Variants in GLT8D2 observed in about 807,000 individuals in gnomAD.
The protein encoded by GLT8D2 is glycosyltransferase 8 domain containing 2.
GLT8D2 carries 45 observed loss-of-function variants against 44.5 expected under a neutral mutation model. That is an observed-to-expected ratio of 1.01 (90% CI 0.80 to 1.30). The LOEUF (loss-of-function observed/expected upper bound fraction) is 1.30. Ranked by LOEUF, GLT8D2 falls within the 50% of genes most tolerant of loss-of-function variation. The pLI is 0.00. For synonymous variants in GLT8D2, 156 were observed against 157.2 expected (o/e 0.99, Z 0.06); for missense variants, 400 against 430.4 (o/e 0.93, Z 0.62).
intron 1 of GLT8D2, among the ~76,000 whole-genome samples, chr12:104,028,201 G>A (rs946137595): frequency 3.3e-5 from 5 of 152,292 alleles, no homozygotes; most frequent in Admixed American, 3.3e-4. Flanking sequence ...ATTATTGTAG[G>A]AAACCTTAAG....
intron 10 of GLT8D2, among the ~76,000 whole-genome samples, 185 bp from the exon 11 acceptor site, chr12:103,989,762 G>A (rs1395641395): frequency 1.3e-5 from 2 of 152,032 alleles, no homozygotes; most frequent in Non-Finnish European, 2.9e-5. Flanking sequence ...TTCTAGTAGT[G>A]TTATAGCATT....
Position 103,996,747 on chromosome 12 carries a change from G to T in GLT8D2, c.588C>A (p.Leu196=), listed in dbSNP as rs3817602. 2 of 1,612,456 alleles carry T rather than the reference G, an allele frequency of 1.2e-6. No homozygotes were observed. Among genetic ancestry groups the T allele is most frequent in the East Asian group, 4.5e-5 (2 of 44,838 alleles). ...DLPSAQDINR[L]VGLQNTYMGY... The stretch of plus-strand genomic sequence containing the variant: ...AGCATATGCCCACCTGAAGTCCCAC[G>T]AGTCTGTTTATGTCCTGAGCAGAGG... The change falls in exon 8 of 11, where the codon CTC becomes CTA. Residue 196 remains leucine (L), a synonymous_variant. Transcript: ENST00000360814.
At chr12:104,015,206 G>C (rs955472752) in intron 3 of GLT8D2, 101 bp from the exon 4 acceptor site, 45 of 794,658 alleles carry the variant, frequency 5.7e-5, no homozygotes, top group Non-Finnish European at 4.2e-6. Context: ...CCATGACACA[G>C]AGGAGTGGTA....
At chr12:104,047,046 T>A (rs751741344) in intron 1 of GLT8D2, among the ~76,000 whole-genome samples, 14 of 152,014 alleles carry the variant, frequency 9.2e-5, no homozygotes, top group Non-Finnish European at 1.8e-4. Context: ...CTAGTCTGGT[T>A]TAGAACTCTG....
upstream of GLT8D2, among the ~76,000 whole-genome samples, chr12:104,055,005 G>A (rs1882056250): frequency 6.6e-6 from 1 of 152,178 alleles, no homozygotes; most frequent in Admixed American, 6.5e-5. Flanking sequence ...AGGGAAACAT[G>A]GTTAAGAGAT....
chr12:103,994,815 C>T (rs1446796794), intron 8 of GLT8D2, among the ~76,000 whole-genome samples: 1 of 152,160 alleles, frequency 6.6e-6, no homozygotes, highest in Non-Finnish European at 1.5e-5. Flanking sequence ...CTTCCAACTC[C>T]TGCTACATCT....
At chr12:104,019,040 G>C (rs952213728) in intron 3 of GLT8D2, among the ~76,000 whole-genome samples, 1 of 148,756 alleles carries the variant, frequency 6.7e-6, no homozygotes, top group African/African-American at 2.4e-5. Flanking sequence ...TATTTATTCC[G>C]AACGAGAAAA....
At chr12:104,038,352 AC>A (rs1389124656) in intron 1 of GLT8D2, among the ~76,000 whole-genome samples, 16 of 152,220 alleles carry the variant, frequency 1.1e-4, no homozygotes, top group Admixed American at 1.0e-3. Flanking sequence ...AGGAAGTCAA[AC>A]TGTCCCTGTT....
intron 1 of GLT8D2, among the ~76,000 whole-genome samples, chr12:104,048,336 T>C (rs930691853): frequency 3.9e-5 from 6 of 152,208 alleles, no homozygotes; most frequent in Non-Finnish European, 7.4e-5. Flanking sequence ...CTTAAGAGGA[T>C]TTCTCTACTA....
chr12:103,991,880 G>A (rs1872783303), intron 10 of GLT8D2, among the ~76,000 whole-genome samples: 1 of 149,954 alleles, frequency 6.7e-6, no homozygotes, highest in Admixed American at 6.6e-5. Flanking sequence ...GGGTTGTTGT[G>A]AGAATTAGAA....
intron 4 of GLT8D2, chr12:104,012,784 A>G (rs1876048315): frequency 1.4e-6 from 1 of 697,120 alleles, no homozygotes; most frequent in South Asian, 1.5e-5. Context: ...ATAAGTTAAA[A>G]TGAAGCCATT....
At chr12:104,013,885 C>T (rs1022226753) in intron 4 of GLT8D2, among the ~76,000 whole-genome samples, 1 of 152,118 alleles carries the variant, frequency 6.6e-6, no homozygotes, top group Non-Finnish European at 1.5e-5. Flanking sequence ...GGACTATAGG[C>T]ATGCCCCACC....
At chr12:104,045,506 T>A (rs557444903) in intron 1 of GLT8D2, among the ~76,000 whole-genome samples, 1 of 152,172 alleles carries the variant, frequency 6.6e-6, no homozygotes, top group East Asian at 1.9e-4. Flanking sequence ...AAAAGAAGGT[T>A]GAGGTTCTAG....
At chr12:104,057,669 C>T (rs1031395797) in intron 1 of GLT8D2, among the ~76,000 whole-genome samples, 7 of 152,102 alleles carry the variant, frequency 4.6e-5, no homozygotes, top group African/African-American at 1.4e-4. Flanking sequence ...AGTTTTTAAA[C>T]ATCACAAAAC....
In GLT8D2 at chr12:103,993,473, C is replaced by G. The variant is rs368532678; in HGVS notation, c.799G>C (p.Gly267Arg). 8.1e-6 allele frequency: 13 copies of G among 1,610,852 alleles called. No individual in the cohort carries two copies. Among genetic ancestry groups the G allele is most frequent in the Non-Finnish European group, 1.1e-5 (13 of 1,178,788 alleles). The change falls in exon 10 of 11, where the codon GGG becomes CGG. Residue 267 changes from glycine (G) to arginine (R), a missense_variant. By Grantham distance (125) the Gly-to-Arg change is moderately radical. Coordinates refer to ENST00000360814, the MANE Select transcript of GLT8D2 (RefSeq NM_001384711.1). ...ENLYSSSLGG[G>R]VATSPMLIVF... ...ATCAGCATTGGGGAGGTGGCCACCC[C>G]TCCTCCCAGGGAGCTGCTATAGAGG...
chr12:104,048,049 T>C lies in GLT8D2; in HGVS notation c.-164+1846A>G, dbSNP rs566816807. Among the ~76,000 whole-genome samples, 135 of 152,372 alleles carry C rather than the reference T, an allele frequency of 8.9e-4. 1 individual carries two copies. Among genetic ancestry groups the C allele is most frequent in the African/African-American group, 3.2e-3 (132 of 41,588 alleles). On this transcript the variant is annotated intron_variant, in intron 1 of 10. Coordinates refer to ENST00000360814, the MANE Select transcript of GLT8D2 (RefSeq NM_001384711.1). The stretch of plus-strand genomic sequence containing the variant: ...TTATCAGGCCCGTTGCAGAAAAAGT[T>C]TGCTGACTTCTGATCTCCAATTTAG...
chr12:103,999,437 T>C lies in GLT8D2; in HGVS notation c.362A>G (p.Lys121Arg). 1 of 1,613,354 alleles carries C rather than the reference T, an allele frequency of 6.2e-7. No homozygotes were observed. Among genetic ancestry groups the C allele is most frequent in the Admixed American group, 1.7e-5 (1 of 60,018 alleles). ...VEFNPMVLKG[K>R]IRPDSSRPEL... ...AGGCCTCGATGAGTCTGGTCTGATCTTCCCTTTGAGGACCATCGGGTTGAA... is the reference window on the plus strand; with the variant it reads ...AGGCCTCGATGAGTCTGGTCTGATCCTCCCTTTGAGGACCATCGGGTTGAA... The change falls in exon 6 of 11, where the codon AAG becomes AGG. Residue 121 changes from lysine (K) to arginine (R), a missense_variant. Physicochemically the swap from Lys to Arg is conservative, Grantham distance 26. Transcript: ENST00000360814.
At chr12:104,023,907 G>C (rs1371838964) in intron 1 of GLT8D2, among the ~76,000 whole-genome samples, 1 of 152,136 alleles carries the variant, frequency 6.6e-6, no homozygotes, top group Admixed American at 6.6e-5. Flanking sequence ...CCGTTGAATG[G>C]ATATACCACA....
intron 1 of GLT8D2, among the ~76,000 whole-genome samples, chr12:104,027,233 C>T (rs1256961548): frequency 6.6e-6 from 1 of 152,212 alleles, no homozygotes; most frequent in Non-Finnish European, 1.5e-5. Context: ...CAGCACACTA[C>T]TTAGGATTTT....
Sources: gnomAD v4.1 joint callset for allele counts (sites outside exome capture counted in the v4.1 genomes callset) on GRCh38, gnomAD v4.1.1 for gene constraint, MANE v1.5 for transcripts, NCBI Gene and HGNC (gene_info 2026-07-23, HGNC 2026-07-21) for gene names.